DDX1: variants seen among roughly 807,000 people sequenced by gnomAD.
DDX1 encodes DEAD-box helicase 1.
A neutral mutation model predicts 108.7 loss-of-function variants in DDX1; 28 were observed. The ratio of observed to expected loss-of-function variants is 0.26; its 90% CI spans 0.19 to 0.35. The LOEUF is 0.35. Among genes scored for constraint, DDX1 ranks in the 10% least tolerant of loss-of-function variants. DDX1 has a pLI of 1.00. For synonymous variants in DDX1, 295 were observed against 288.9 expected (o/e 1.02, Z -0.21); for missense variants, 710 against 884.5 (o/e 0.80, Z 2.50).
intron 19 of DDX1, 110 bp downstream of exon 19, chr2:15,623,692 G>A: frequency 2.3e-6 from 2 of 872,308 alleles, no homozygotes; most frequent in South Asian, 1.7e-5. Context: ...AGCAGTTGAT[G>A]GCATATTTTA....
At chr2:15,595,879 T>A (rs2148736360) in intron 3 of DDX1, among the ~76,000 whole-genome samples, 1 of 152,238 alleles carries the variant, frequency 6.6e-6, no homozygotes, top group South Asian at 2.1e-4. Context: ...GGAAGTAGAT[T>A]TCTTTTTTTT....
At chr2:15,625,802 T>C (rs1185090788) in intron 19 of DDX1, among the ~76,000 whole-genome samples, 1 of 152,020 alleles carries the variant, frequency 6.6e-6, no homozygotes, top group Admixed American at 6.6e-5. Context: ...GTCAAGGAAA[T>C]AGAAAACTCA....
intron 2 of DDX1, 117 bp from the exon 3 acceptor site, chr2:15,595,373 A>C: frequency 1.1e-6 from 1 of 936,064 alleles, no homozygotes; most frequent in Non-Finnish European, 1.7e-6. Context: ...TTCTAGTGGA[A>C]TAAGATGGAT....
Position 15,605,955 on chromosome 2 carries a change from G to C in DDX1, c.631G>C (p.Asp211His), listed in dbSNP as rs376500579. ...TCTCTCTCTTGTTTTTTAAGGAAAA[G>C]ATCTTGGTCTGGCATTTGAAATACC... The part of the protein sequence containing the change: ...GHVKFSKNGK[D>H]LGLAFEIPPH... The change falls in exon 11 of 26, where the codon GAT becomes CAT. Residue 211 changes from aspartate (D) to histidine (H), a missense_variant. Transcript: ENST00000233084. 3.8e-6 allele frequency: 6 copies of C among 1,562,146 alleles called. No individual in the cohort carries two copies. Among genetic ancestry groups the C allele is most frequent in the Non-Finnish European group, 5.2e-6 (6 of 1,159,598 alleles).
chr2:15,626,117 CA>C (rs1341516892), intron 19 of DDX1, among the ~76,000 whole-genome samples: 1 of 151,930 alleles, frequency 6.6e-6, no homozygotes, highest in African/African-American at 2.4e-5. Context: ...TTTATTACAC[CA>C]TTACTAACAC....
At chr2:15,610,879 T>A (rs1665740602) in intron 13 of DDX1, among the ~76,000 whole-genome samples, 1 of 151,974 alleles carries the variant, frequency 6.6e-6, no homozygotes, top group Admixed American at 6.5e-5. Context: ...TTTTTATTTT[T>A]TATTTTTTAA....
Position 15,596,823 on chromosome 2 carries a change from CAGT to C in DDX1, c.162+64_162+66del, listed in dbSNP as rs1368558299. 24 of 1,319,546 alleles carry C rather than the reference CAGT, an allele frequency of 1.8e-5. No individual in the cohort carries two copies. The East Asian group carries it at 5.6e-4, about 31-fold the overall frequency. 81.7% of individuals were successfully genotyped at this position (1,319,546 alleles called of 1,614,324 possible). A position where few individuals can be genotyped will look rare whatever the true frequency, so the allele number is the denominator to read the frequency against. On this transcript the variant is annotated intron_variant, in intron 4 of 25. Coordinates refer to ENST00000233084, the MANE Select transcript of DDX1 (RefSeq NM_004939.3). ...AGTTGAATTTTAAAATAACTTTGAA[CAGT>C]AGTTTTTACTTTGAAATATTTAATA...
intron 19 of DDX1, among the ~76,000 whole-genome samples, chr2:15,623,934 A>G (rs1226013180): frequency 6.8e-6 from 1 of 147,508 alleles, no homozygotes; most frequent in African/African-American, 2.4e-5. Context: ...AAGGGGAATG[A>G]GGAAAAAAAA....
At chr2:15,618,678 T>G (rs1320769723) in intron 16 of DDX1, among the ~76,000 whole-genome samples, 1 of 152,218 alleles carries the variant, frequency 6.6e-6, no homozygotes, top group Non-Finnish European at 1.5e-5. Context: ...CTAGCCCCCT[T>G]CCGCCCAGGA....
At chr2:15,627,340 A>G in intron 20 of DDX1, 195 bp downstream of exon 20, 2 of 442,930 alleles carry the variant, frequency 4.5e-6, no homozygotes, top group Non-Finnish European at 8.1e-6. Flanking sequence ...TACATTCTCT[A>G]TCAGCATAAC....
Position 15,631,052 on chromosome 2 carries a change from G to T in DDX1, c.*146G>T. On this transcript the variant is annotated 3_prime_UTR_variant, in exon 26 of 26. Coordinates refer to ENST00000233084, the MANE Select transcript of DDX1 (RefSeq NM_004939.3). ...TGCATGTCAAGAAACATTAGTCTTAGGAATTCTTCAAAAAATGGCATCCCA... is the reference window on the plus strand; with the variant it reads ...TGCATGTCAAGAAACATTAGTCTTATGAATTCTTCAAAAAATGGCATCCCA... The T allele has an allele frequency of 1.5e-6, 1 of 657,376 alleles. No individual in the cohort carries two copies. The highest frequency in any genetic ancestry group is 3.6e-5 in the Admixed American group (1 of 27,862). 40.7% of individuals were successfully genotyped at this position (657,376 alleles called of 1,614,324 possible). A position where few individuals can be genotyped will look rare whatever the true frequency, so the allele number is the denominator to read the frequency against.
At position 15,629,601 on chromosome 2, in the gene DDX1, G is replaced by A. The variant is rs142551243; in HGVS notation, c.1876-1G>A. 1 of 1,588,484 alleles carries A rather than the reference G, an allele frequency of 6.3e-7. No homozygotes were observed. The highest frequency in any genetic ancestry group is 8.5e-7 in the Non-Finnish European group (1 of 1,171,044). ...TAATATTTTTTCCTTTTTAAATTTAGGTTTGGTACCATGTATGTAGCAGCC... is the reference window on the plus strand; with the variant it reads ...TAATATTTTTTCCTTTTTAAATTTAAGTTTGGTACCATGTATGTAGCAGCC... On this transcript the variant is annotated splice_acceptor_variant, in intron 23 of 25. Transcript: ENST00000233084. LOFTEE classifies it high-confidence loss of function.
At chr2:15,596,793 C>T in intron 4 of DDX1, 30 bp downstream of exon 4, 1 of 1,558,702 alleles carries the variant, frequency 6.4e-7, no homozygotes, top group East Asian at 2.2e-5. Flanking sequence ...TACTTTCTCT[C>T]TAAAAGTTGA....
At chr2:15,602,695 T>G in intron 7 of DDX1, 64 bp downstream of exon 7, 32 of 1,258,648 alleles carry the variant, frequency 2.5e-5, no homozygotes, top group Non-Finnish European at 3.1e-5. Context: ...GTGAGGGTTT[T>G]TTTGTTGTTG....
chr2:15,626,103 C>T (rs767378558), intron 19 of DDX1, among the ~76,000 whole-genome samples: 1 of 152,008 alleles, frequency 6.6e-6, no homozygotes, highest in Non-Finnish European at 1.5e-5. Context: ...GCCTAGAAAA[C>T]AAGTTTATTA....
At position 15,595,774 on chromosome 2, in the gene DDX1, G is replaced by A. The variant is rs114357549; in HGVS notation, c.132+221G>A. On this transcript the variant is annotated intron_variant, in intron 3 of 25. Coordinates refer to ENST00000233084, the MANE Select transcript of DDX1 (RefSeq NM_004939.3). ...ATAAGAATGAATCTCGTATCAGAGAGAATGTGGCTTCTTCGTAAGAGATGC... is the reference window on the plus strand; with the variant it reads ...ATAAGAATGAATCTCGTATCAGAGAAAATGTGGCTTCTTCGTAAGAGATGC... Among the ~76,000 whole-genome samples, 607 of 152,260 alleles carry A rather than the reference G, an allele frequency of 4.0e-3. 3 individuals are homozygous for A. Among genetic ancestry groups the A allele is most frequent in the African/African-American group, 0.014 (567 of 41,540 alleles).
intron 1 of DDX1, 137 bp from the exon 2 acceptor site, chr2:15,595,008 A>G (rs1573034934): frequency 1.7e-6 from 1 of 585,050 alleles, no homozygotes; most frequent in Non-Finnish European, 2.9e-6. Flanking sequence ...CTCTTTCAAC[A>G]GTGCCACGCT....
chr2:15,628,659 A>G lies in DDX1; in HGVS notation c.1781A>G (p.Asp594Gly), dbSNP rs1666140995. The change falls in exon 22 of 26, where the codon GAT becomes GGT. Residue 594 changes from aspartate (D) to glycine (G), a missense_variant. By Grantham distance (94) the Asp-to-Gly change is moderately conservative. Transcript: ENST00000233084. ...ATAGTTATAAATGTCACTCTGCCCGATGAAAAGCAAAACTACGTACATCGA... is the reference window on the plus strand; with the variant it reads ...ATAGTTATAAATGTCACTCTGCCCGGTGAAAAGCAAAACTACGTACATCGA... ...VPYVINVTLP[D>G]EKQNYVHRIG... The G allele has an allele frequency of 6.2e-7, 1 of 1,612,832 alleles. No individual in the cohort carries two copies. Among genetic ancestry groups the G allele is most frequent in the Non-Finnish European group, 8.5e-7 (1 of 1,179,378 alleles).
Position 15,597,417 on chromosome 2 carries a change from A to G in DDX1, c.205A>G (p.Lys69Glu), listed in dbSNP as rs1480289544. ...PVIQIVYETL[K>E]DQQEGKKGKT... ...TATCCAGATAGTTTATGAAACTCTGAAAGACCAACAGGAAGGCAAAAAAGG... is the reference window on the plus strand; with the variant it reads ...TATCCAGATAGTTTATGAAACTCTGGAAGACCAACAGGAAGGCAAAAAAGG... Residue 69 changes from lysine (K) to glutamate (E), a missense_variant, in exon 5 of 26, where the codon AAA becomes GAA. Around this residue, in one of 3 missense-constraint regions of DDX1, gnomAD observed 661 missense variants for 810.2 expected, o/e 0.82. Coordinates refer to ENST00000233084, the MANE Select transcript of DDX1 (RefSeq NM_004939.3). 1.2e-6 allele frequency: 2 copies of G among 1,609,316 alleles called. No homozygotes were observed. The highest frequency in any genetic ancestry group is 1.3e-5 in the African/African-American group (1 of 74,592).
Sources: gnomAD v4.1 joint callset for allele counts (sites outside exome capture counted in the v4.1 genomes callset) on GRCh38, gnomAD v4.1.1 for gene constraint, gnomAD v4.1.1 regional missense constraint, MANE v1.5 for transcripts, NCBI Gene and HGNC (gene_info 2026-07-23, HGNC 2026-07-21) for gene names.